The following FN1 variants were observed in gnomAD, a reference collection of about 807,000 sequenced individuals.
FN1 encodes the protein fibronectin 1, also known as fibronectin.
In FN1, 106 loss-of-function variants were observed where a neutral mutation model predicts 297.3. The ratio of observed to expected loss-of-function variants is 0.36; its 90% CI spans 0.30 to 0.42. The LOEUF (loss-of-function observed/expected upper bound fraction) is 0.42, where lower values mean the gene tolerates loss of function less well. Among genes scored for constraint, FN1 ranks in the 10% least tolerant of loss-of-function variants. The pLI, the probability that FN1 is intolerant of heterozygous loss-of-function variation, is 1.00. For synonymous variants in FN1, 1,149 were observed against 1,152.6 expected (o/e 1.00, Z 0.06); for missense variants, 2,690 against 3,124.9 (o/e 0.86, Z 3.32).
chr2:215,392,022 C>T (rs1472756941), intron 25 of FN1: 5 of 560,100 alleles, frequency 8.9e-6, no homozygotes, highest in Non-Finnish European at 1.6e-5. Context: ...CCCCTTTAAC[C>T]TTTTTGCCAT....
Position 215,434,758 on chromosome 2 carries a change from T to G in FN1, c.215A>C (p.Asn72Thr). ...TCCATAACAAGTACAAACCAACGCA[T>G]TGCCTAGGTAGGTCCGCTCCCACTG... ...NQQWERTYLGNALVCTCYGGS... is the reference protein window; with the variant it reads ...NQQWERTYLGTALVCTCYGGS... The change falls in exon 2 of 46, where the codon AAT (asparagine) becomes ACT (threonine). Residue 72 changes from asparagine (N) to threonine (T), a missense_variant. By Grantham distance (65) the Asn-to-Thr change is moderately conservative. Around this residue, in one of 3 missense-constraint regions of FN1, gnomAD observed 876 missense variants for 1,058.1 expected, o/e 0.83. Coordinates refer to ENST00000354785, the MANE Select transcript of FN1 (RefSeq NM_212482.4). 1 of 1,614,088 alleles carries G rather than the reference T, an allele frequency of 6.2e-7. No homozygotes were observed. Among genetic ancestry groups the G allele is most frequent in the Non-Finnish European group, 8.5e-7 (1 of 1,179,936 alleles).
intron 41 of FN1, among the ~76,000 whole-genome samples, chr2:215,370,086 G>T (rs187657942): frequency 6.6e-6 from 1 of 152,062 alleles, no homozygotes; most frequent in Non-Finnish European, 1.5e-5. Context: ...TGTCAATTAC[G>T]TATGCATTTT....
chr2:215,406,544 C>T, intron 18 of FN1, 34 bp from the exon 19 acceptor site: 1 of 1,608,742 alleles, frequency 6.2e-7, no homozygotes, highest in East Asian at 2.2e-5. Context: ...CATTCACATT[C>T]TCTGCTGAAG....
At chr2:215,424,398 C>A in intron 7 of FN1, 73 bp from the exon 8 acceptor site, 1 of 1,251,534 alleles carries the variant, frequency 8.0e-7, no homozygotes, top group Non-Finnish European at 1.2e-6. Flanking sequence ...TTATTTATGG[C>A]TTCAATGAGA....
At chr2:215,392,757 T>C in intron 25 of FN1, 174 bp downstream of exon 25, 1 of 690,820 alleles carries the variant, frequency 1.4e-6, no homozygotes, top group Non-Finnish European at 2.6e-6. Context: ...TTGCATGTGT[T>C]TTTCTCCAAT....
intron 20 of FN1, among the ~76,000 whole-genome samples, chr2:215,399,976 T>A (rs1388304713): frequency 6.6e-6 from 1 of 151,706 alleles, no homozygotes; most frequent in African/African-American, 2.4e-5. Flanking sequence ...TCACTTGAGG[T>A]CAGGAGTTCG....
Position 215,391,733 on chromosome 2 carries a change from A to C in FN1, c.4151T>G (p.Ile1384Ser). ...MRVTWAPPPS[I>S]DLTNFLVRYS... Reference sequence around the variant, plus strand: ...ACGCACCAGGAAGTTGGTTAAATCAATGGATGGGGGTGGAGCCCAGGTGAC... The same window carrying C: ...ACGCACCAGGAAGTTGGTTAAATCACTGGATGGGGGTGGAGCCCAGGTGAC... Residue 1384 changes from isoleucine (I) to serine (S), a missense_variant, in exon 26 of 46, where the codon ATT (isoleucine) becomes AGT (serine). By Grantham distance (142) the Ile-to-Ser change is moderately radical. Around this residue, in one of 3 missense-constraint regions of FN1, gnomAD observed 1,743 missense variants for 1,945.2 expected, o/e 0.90. Transcript: ENST00000354785. The C allele has an allele frequency of 6.2e-7, 1 of 1,614,168 alleles. No individual in the cohort carries two copies. Among genetic ancestry groups the C allele is most frequent in the Non-Finnish European group, 8.5e-7 (1 of 1,180,014 alleles).
chr2:215,428,460 G>T, intron 5 of FN1, 122 bp from the exon 6 acceptor site: 2 of 831,040 alleles, frequency 2.4e-6, no homozygotes, highest in Non-Finnish European at 4.0e-6. Context: ...TTCATATTCA[G>T]CTCTGGTGCT....
intron 23 of FN1, among the ~76,000 whole-genome samples, chr2:215,396,782 C>A (rs2060355053): frequency 6.6e-6 from 1 of 152,214 alleles, no homozygotes. Flanking sequence ...TCTGTAACAA[C>A]TCACAAAAGG....
rs753415657 is a variant in FN1, at chr2:215,370,347, T to C, written c.6800A>G (p.Lys2267Arg). 3 of 1,613,920 alleles carry C rather than the reference T, an allele frequency of 1.9e-6. No individual in the cohort carries two copies. The South Asian group carries it at 3.3e-5, about 18-fold the overall frequency. ...ATYNVIVEALKDQQRHKVREE... is the reference protein window; with the variant it reads ...ATYNVIVEALRDQQRHKVREE... ...CCGAACCTTATGCCTCTGCTGGTCT[T>C]TCAGTGCCTCCACTATGACGTTGTA... The change falls in exon 41 of 46, where the codon AAA becomes AGA. Residue 2267 changes from lysine to arginine, a missense_variant. By Grantham distance (26) the Lys-to-Arg change is conservative. This residue lies in a region of FN1 where 1,743 missense variants were observed against 1,945.2 expected (regional missense o/e 0.90). Coordinates refer to ENST00000354785, the MANE Select transcript of FN1 (RefSeq NM_212482.4).
chr2:215,419,720 G>A (rs2063952202), intron 11 of FN1, among the ~76,000 whole-genome samples: 1 of 151,810 alleles, frequency 6.6e-6, no homozygotes, highest in South Asian at 2.1e-4. Flanking sequence ...AATATAACTG[G>A]CTTAACATTT....
chr2:215,391,837 A>T, intron 25 of FN1, 23 bp from the exon 26 acceptor site: 2 of 1,609,278 alleles, frequency 1.2e-6, no homozygotes, highest in Non-Finnish European at 1.7e-6. Flanking sequence ...AAGAAGGAAG[A>T]CTCAGTTAAT....
intron 9 of FN1, among the ~76,000 whole-genome samples, chr2:215,423,082 AATT>A (rs1202535084): frequency 6.6e-6 from 1 of 152,174 alleles, no homozygotes; most frequent in East Asian, 1.9e-4. Context: ...ACAAATAAGT[AATT>A]ATATTTTTGA....
chr2:215,426,172 G>A (rs1444257760), intron 6 of FN1, among the ~76,000 whole-genome samples: 19 of 135,862 alleles, frequency 1.4e-4, no homozygotes, highest in Admixed American at 5.4e-4. Context: ...TTTTTGAGAC[G>A]GAGTCTCACT....
Position 215,423,427 on chromosome 2 carries a change from C to T in FN1, c.1316G>A (p.Arg439Lys), listed in dbSNP as rs1356865611. 1.2e-6 allele frequency: 2 copies of T among 1,614,114 alleles called. No homozygotes were observed. Among genetic ancestry groups the T allele is most frequent in the Middle Eastern group, 1.6e-4 (1 of 6,084 alleles). The stretch of plus-strand genomic sequence containing the variant: ...CCCACACCACTTCATGTTGTCTCTT[C>T]TGCCCTCAGAAGTGCAATCAGTGTA... The part of the protein sequence containing the change: ...HNYTDCTSEG[R>K]RDNMKWCGTT... Residue 439 changes from arginine (R) to lysine (K), a missense_variant, in exon 9 of 46, where the codon AGA becomes AAA. Physicochemically the swap from Arg to Lys is conservative, Grantham distance 26. Around this residue, in one of 3 missense-constraint regions of FN1, gnomAD observed 876 missense variants for 1,058.1 expected, o/e 0.83. Transcript: ENST00000354785.
intron 33 of FN1, chr2:215,380,332 A>C: frequency 5.7e-6 from 1 of 176,510 alleles, no homozygotes; most frequent in South Asian, 1.3e-4. Context: ...ATTATTTCCT[A>C]GGTGTCTAAA....
intron 20 of FN1, among the ~76,000 whole-genome samples, chr2:215,403,180 G>A (rs1233117112): frequency 6.6e-6 from 1 of 152,076 alleles, no homozygotes; most frequent in East Asian, 1.9e-4. Context: ...TAAAATTTTA[G>A]CCAAATTTTC....
rs540231002 is a variant in FN1 at position 215,393,030 on chromosome 2, T to G, written c.3970A>C (p.Thr1324Pro). 28 of 1,613,970 alleles carry G rather than the reference T, an allele frequency of 1.7e-5. 2 individuals are homozygous for G. In the South Asian group the frequency reaches 3.0e-4, roughly 17 times the overall value. Residue 1324 changes from threonine (T) to proline (P), a missense_variant, in exon 25 of 46, where the codon ACA becomes CCA. Transcript: ENST00000354785. ...DFVDSSVGYYTVTGLEPGIDY... is the reference protein window; with the variant it reads ...DFVDSSVGYYPVTGLEPGIDY... Reference sequence around the variant, plus strand: ...ATGCCCGGCTCCAGCCCTGTGACTGTGTAGTATCCTACTGAGGAGTCCACA... The same window carrying G: ...ATGCCCGGCTCCAGCCCTGTGACTGGGTAGTATCCTACTGAGGAGTCCACA...
In FN1 at chr2:215,393,134, G is replaced by A. The variant is rs751026014; in HGVS notation, c.3866C>T (p.Pro1289Leu). ...CCCAATAATGGTGGAAGAGTTTAGC[G>A]GGGTCCACCTCAGGCCGATGCTTGA... Reference protein sequence around the residue: ...TDSSIGLRWTPLNSSTIIGYR... With the variant: ...TDSSIGLRWTLLNSSTIIGYR... Residue 1289 changes from proline to leucine, a missense_variant, in exon 25 of 46, where the codon CCG becomes CTG. Physicochemically the swap from Pro to Leu is moderately conservative, Grantham distance 98. Coordinates refer to ENST00000354785, the MANE Select transcript of FN1 (RefSeq NM_212482.4). 60 of 1,613,846 alleles carry A rather than the reference G, an allele frequency of 3.7e-5. No individual in the cohort carries two copies. Among genetic ancestry groups the A allele is most frequent in the Admixed American group, 1.5e-4 (9 of 59,972 alleles).
Sources: allele counts gnomAD v4.1 joint callset (sites outside exome capture counted in the v4.1 genomes callset), GRCh38; gene constraint gnomAD v4.1.1; regional missense constraint gnomAD v4.1.1; transcripts MANE v1.5; gene names NCBI Gene and HGNC (gene_info 2026-07-23, HGNC 2026-07-21).